The following COL9A3 variants were observed in gnomAD, a reference collection of about 807,000 sequenced individuals.
COL9A3 encodes collagen type IX alpha 3 chain, also known as collagen alpha-3(IX) chain.
Under a neutral mutation model 110.2 loss-of-function variants are expected in COL9A3, and 82 were observed. The observed-to-expected ratio is 0.74, with a 90% CI of 0.62 to 0.89. The LOEUF is 0.89. Among genes scored for constraint, COL9A3 ranks in the 40% least tolerant of loss-of-function variants. COL9A3 has a pLI of 0.00. For missense variants in COL9A3, 1,066 were observed against 981.3 expected (o/e 1.09, Z -1.15); for synonymous variants, 494 against 403.8 (o/e 1.22, Z -2.68).
At chr20:62,836,454 A>G in intron 28 of COL9A3, 24 bp from the exon 29 acceptor site, 1 of 1,613,666 alleles carries the variant, frequency 6.2e-7, no homozygotes, top group South Asian at 1.1e-5. Context: ...CCCCATGCTG[A>G]CGAATGTGTG....
chr20:62,819,072 G>A (rs1048535863), intron 3 of COL9A3, 150 bp from the exon 4 acceptor site: 1 of 814,114 alleles, frequency 1.2e-6, no homozygotes, highest in African/African-American at 1.7e-5. Flanking sequence ...AGCTGAGCCG[G>A]GTCTGCCAGA....
At chr20:62,833,116 A>C in intron 26 of COL9A3, 52 bp downstream of exon 26, 1 of 1,478,422 alleles carries the variant, frequency 6.8e-7, no homozygotes, top group Non-Finnish European at 9.5e-7. Context: ...CGAGGTCGCC[A>C]CTGTGGCTGG....
chr20:62,837,373 C>CCT, intron 30 of COL9A3, 108 bp downstream of exon 30: 2 of 1,234,882 alleles, frequency 1.6e-6, no homozygotes, highest in South Asian at 2.5e-5. Context: ...AGGGGTAACC[C>CCT]CTGGAACGTG....
chr20:62,829,908 TG>T, intron 22 of COL9A3, 89 bp downstream of exon 22: 1 of 1,480,304 alleles, frequency 6.8e-7, no homozygotes, highest in Non-Finnish European at 9.1e-7. Flanking sequence ...GGGTGGCATT[TG>T]GTTGCCTTGA....
chr20:62,830,623 C>G (rs1172685365), intron 24 of COL9A3, 35 bp downstream of exon 24: 3 of 1,517,152 alleles, frequency 2.0e-6, no homozygotes, highest in Non-Finnish European at 2.7e-6. Flanking sequence ...CTCCCCTGCA[C>G]CCCCTCTACC....
At chr20:62,827,426 C>T (rs1379870265) in intron 16 of COL9A3, 132 bp downstream of exon 16, 4 of 915,594 alleles carry the variant, frequency 4.4e-6, no homozygotes, top group South Asian at 1.5e-5. Flanking sequence ...CCTGGGGGTG[C>T]GTGGGGGTGA....
intron 31 of COL9A3, among the ~76,000 whole-genome samples, 167 bp from the exon 32 acceptor site, chr20:62,840,375 G>T (rs563984874): frequency 7.6e-6 from 1 of 132,104 alleles, no homozygotes; most frequent in Non-Finnish European, 1.6e-5. Context: ...CGCCAGCCCC[G>T]CGGAGAGCCT....
At chr20:62,819,885 G>A in intron 4 of COL9A3, 44 bp from the exon 5 acceptor site, 1 of 1,610,912 alleles carries the variant, frequency 6.2e-7, no homozygotes, top group South Asian at 1.1e-5. Context: ...GGTGGCATGT[G>A]CTTCCCATGT....
intron 4 of COL9A3, among the ~76,000 whole-genome samples, chr20:62,819,533 C>G (rs1253561221): frequency 1.3e-5 from 2 of 152,240 alleles, no homozygotes; most frequent in Admixed American, 6.5e-5. Context: ...CCTTGCTTGT[C>G]CAGGAATGAG....
chr20:62,827,344 A>G (rs549752126), intron 16 of COL9A3, 50 bp downstream of exon 16: 16 of 1,576,818 alleles, frequency 1.0e-5, no homozygotes, highest in Admixed American at 1.7e-5. Flanking sequence ...GAAGAACCCA[A>G]TTTCCCTCCT....
intron 16 of COL9A3, 152 bp from the exon 17 acceptor site, chr20:62,827,771 C>T (rs2063565461): frequency 2.5e-6 from 2 of 786,512 alleles, no homozygotes; most frequent in Non-Finnish European, 2.2e-6. Flanking sequence ...ACAGTTTTCT[C>T]CACGCACCCA....
At chr20:62,839,230 C>CAA (rs10664760) in intron 31 of COL9A3, among the ~76,000 whole-genome samples, 38,179 of 144,624 alleles carry the variant, frequency 0.26, 5,008 homozygotes, top group Middle Eastern at 0.33. Flanking sequence ...GACTCCATCT[C>CAA]AAAAAAAAAA....
chr20:62,822,462 G>A (rs1352091740), intron 9 of COL9A3, 129 bp from the exon 10 acceptor site: 29 of 980,914 alleles, frequency 3.0e-5, no homozygotes, highest in Non-Finnish European at 4.4e-5. Flanking sequence ...TGGGGGACAG[G>A]ATGAAGGGTC....
At chr20:62,834,442 G>A (rs756199425) in intron 26 of COL9A3, among the ~76,000 whole-genome samples, 4 of 148,216 alleles carry the variant, frequency 2.7e-5, no homozygotes, top group South Asian at 2.1e-4. Flanking sequence ...TGGAGCAGTC[G>A]TGAGTCCGAG....
intron 17 of COL9A3, among the ~76,000 whole-genome samples, chr20:62,828,517 G>A (rs576615576): frequency 2.0e-5 from 3 of 152,366 alleles, no homozygotes; most frequent in South Asian, 4.1e-4. Context: ...CCTGGTGGAC[G>A]AGGCCTCGGG....
chr20:62,828,111 C>T (rs1423100885), intron 17 of COL9A3, 135 bp downstream of exon 17: 3 of 840,948 alleles, frequency 3.6e-6, no homozygotes, highest in Admixed American at 4.0e-5. Context: ...AACGGTGGAA[C>T]AGCCCCGCAG....
chr20:62,827,115 C>T, intron 15 of COL9A3, 126 bp from the exon 16 acceptor site: 1 of 969,050 alleles, frequency 1.0e-6, no homozygotes, highest in Non-Finnish European at 1.6e-6. Flanking sequence ...CTGGAGGGGC[C>T]CCCATCCCAC....
chr20:62,825,368 C>T (rs562610656), intron 12 of COL9A3: 5 of 326,446 alleles, frequency 1.5e-5, no homozygotes, highest in Non-Finnish European at 2.2e-5. Flanking sequence ...GTGGCCGGGG[C>T]GAGGGGCATC....
intron 24 of COL9A3, among the ~76,000 whole-genome samples, chr20:62,830,926 C>G (rs370739280): frequency 5.9e-5 from 9 of 151,344 alleles, no homozygotes; most frequent in African/African-American, 2.2e-4. Flanking sequence ...GCCTTTGGCC[C>G]CTCTGACCTT....
Sources: gnomAD v4.1 joint callset for allele counts (sites outside exome capture counted in the v4.1 genomes callset) on GRCh38, gnomAD v4.1.1 for gene constraint, MANE v1.5 for transcripts, NCBI Gene and HGNC (gene_info 2026-07-23, HGNC 2026-07-21) for gene names.